The following MBNL1 variants were observed in gnomAD, a reference collection of about 807,000 sequenced individuals.
MBNL1 encodes the protein muscleblind-like protein 1.
MBNL1 carries 8 observed loss-of-function variants against 42.2 expected under a neutral mutation model. That is an observed-to-expected ratio of 0.19 (90% CI 0.11 to 0.34). MBNL1 has a LOEUF of 0.34. Ranked by LOEUF, MBNL1 falls within the 10% of genes least tolerant of loss-of-function variation. The probability of loss-of-function intolerance (pLI) is 1.00; values close to 1 mark genes in which losing one functional copy is unlikely to be tolerated. For missense variants in MBNL1, 309 were observed against 495.3 expected (o/e 0.62, Z 3.57); for synonymous variants, 169 against 173.9 (o/e 0.97, Z 0.22).
Position 152,254,210 on chromosome 3 carries a change from C to T in MBNL1, n.333+9770C>T, listed in dbSNP as rs550371052. On this transcript the variant is annotated intron_variant and non_coding_transcript_variant, in intron 2 of 2. Transcript: ENST00000477171. ...TTTATTTTGTCCGTGTTGAGTCAAACGAACTGAGACCAAAAAGTGGTCCTT... is the reference window on the plus strand; with the variant it reads ...TTTATTTTGTCCGTGTTGAGTCAAATGAACTGAGACCAAAAAGTGGTCCTT... 1.3e-4 allele frequency among the ~76,000 whole-genome samples: 20 copies of T among 152,244 alleles called. 1 individual carries two copies. In the South Asian group the frequency reaches 1.7e-3, roughly 13 times the overall value.
At chr3:152,321,933 C>G (rs1167332695) in intron 2 of MBNL1, among the ~76,000 whole-genome samples, 1 of 152,008 alleles carries the variant, frequency 6.6e-6, no homozygotes, top group African/African-American at 2.4e-5. Context: ...TTTTTTAAAT[C>G]TGGACATATC....
chr3:152,343,651 G>A (rs2093735830), intron 2 of MBNL1, among the ~76,000 whole-genome samples: 1 of 152,056 alleles, frequency 6.6e-6, no homozygotes, highest in Non-Finnish European at 1.5e-5. Flanking sequence ...GATGGGGGTG[G>A]GTGCCATGGA....
intron 2 of MBNL1, among the ~76,000 whole-genome samples, chr3:152,337,860 A>G (rs1415213260): frequency 6.6e-6 from 1 of 152,198 alleles, no homozygotes; most frequent in East Asian, 1.9e-4. Context: ...TACTTACTAA[A>G]AACAATTTTA....
intron 4 of MBNL1, among the ~76,000 whole-genome samples, chr3:152,438,428 G>C (rs2099106819): frequency 6.6e-6 from 1 of 152,090 alleles, no homozygotes; most frequent in Non-Finnish European, 1.5e-5. Context: ...CAGGACTCAG[G>C]GTAATCCCAC....
At chr3:152,290,013 G>A (rs1262163054) in intron 1 of MBNL1, among the ~76,000 whole-genome samples, 1 of 151,690 alleles carries the variant, frequency 6.6e-6, no homozygotes, top group African/African-American at 2.4e-5. Context: ...TTAATTATAG[G>A]CATAGATTTT....
intron 2 of MBNL1, among the ~76,000 whole-genome samples, chr3:152,396,386 A>G (rs2097937311): frequency 6.6e-6 from 1 of 152,106 alleles, no homozygotes; most frequent in Non-Finnish European, 1.5e-5. Context: ...CCTGGTGCCA[A>G]AAAGGTTGGG....
intron 1 of MBNL1, 52 bp downstream of exon 1, chr3:152,269,144 G>A (rs1244002886): frequency 2.3e-6 from 1 of 437,074 alleles, no homozygotes; most frequent in Admixed American, 2.4e-5. Flanking sequence ...TTCGGACTCC[G>A]GCGGGTCTGC....
At chr3:152,269,515 C>T (rs1323117516) in intron 1 of MBNL1, 2 of 455,402 alleles carry the variant, frequency 4.4e-6, no homozygotes, top group African/African-American at 2.0e-5. Context: ...CATCCCTGGC[C>T]CCGGGGCTGC....
intron 1 of MBNL1, 49 bp downstream of exon 1, chr3:152,269,141 T>G: frequency 2.3e-6 from 1 of 438,386 alleles, no homozygotes; most frequent in Middle Eastern, 7.2e-4. Flanking sequence ...TTGTTCGGAC[T>G]CCGGCGGGTC....
At chr3:152,359,658 G>T (rs2095797454) in intron 2 of MBNL1, among the ~76,000 whole-genome samples, 1 of 152,130 alleles carries the variant, frequency 6.6e-6, no homozygotes, top group South Asian at 2.1e-4. Context: ...TTTTCATTCT[G>T]GGATTTGAGA....
intron 9 of MBNL1, among the ~76,000 whole-genome samples, chr3:152,461,623 G>T (rs1160417583): frequency 6.6e-6 from 1 of 152,126 alleles, no homozygotes; most frequent in Non-Finnish European, 1.5e-5. Context: ...TCATCTTCAT[G>T]AGGAGTTGCA....
chr3:152,374,071 C>T (rs1445857309), intron 2 of MBNL1, among the ~76,000 whole-genome samples: 2 of 151,972 alleles, frequency 1.3e-5, no homozygotes, highest in African/African-American at 4.8e-5. Context: ...CATATAAAGG[C>T]TGTTTTAAAA....
intron 2 of MBNL1, among the ~76,000 whole-genome samples, chr3:152,353,274 T>A (rs865980772): frequency 6.6e-6 from 1 of 152,324 alleles, no homozygotes; most frequent in Admixed American, 6.5e-5. Context: ...TTCCAAAGTG[T>A]CTGAGGCTGT....
chr3:152,304,988 A>G (rs1342321782), intron 2 of MBNL1, among the ~76,000 whole-genome samples: 2 of 152,156 alleles, frequency 1.3e-5, no homozygotes, highest in African/African-American at 4.8e-5. Flanking sequence ...TTTGCTTCAT[A>G]TTATAAGATT....
At chr3:152,410,785 A>G (rs549764862) in intron 2 of MBNL1, among the ~76,000 whole-genome samples, 6 of 152,260 alleles carry the variant, frequency 3.9e-5, no homozygotes, top group Admixed American at 3.3e-4. Flanking sequence ...ATGTGTTACA[A>G]TGAGACTTTT....
At chr3:152,423,290 A>G (rs2098836900) in intron 3 of MBNL1, among the ~76,000 whole-genome samples, 1 of 152,254 alleles carries the variant, frequency 6.6e-6, no homozygotes, top group East Asian at 1.9e-4. Flanking sequence ...CCAGCAGAGA[A>G]TACTATAAAC....
intron 2 of MBNL1, among the ~76,000 whole-genome samples, chr3:152,342,731 G>T (rs901019441): frequency 3.3e-5 from 5 of 152,098 alleles, no homozygotes; most frequent in African/African-American, 1.2e-4. Context: ...TAGTTTAGTG[G>T]CTTAGGGCAA....
intron 2 of MBNL1, among the ~76,000 whole-genome samples, chr3:152,404,592 T>G (rs2098367852): frequency 6.6e-6 from 1 of 151,994 alleles, no homozygotes; most frequent in South Asian, 2.1e-4. Context: ...CTTTAGTTAC[T>G]TTTATATTTC....
intron 4 of MBNL1, among the ~76,000 whole-genome samples, chr3:152,439,089 G>C (rs1468380113): frequency 1.3e-5 from 2 of 152,152 alleles, no homozygotes; most frequent in Non-Finnish European, 2.9e-5. Flanking sequence ...GCGTTTGCTT[G>C]TATTAAAATA....
Sources: allele counts gnomAD v4.1 joint callset (sites outside exome capture counted in the v4.1 genomes callset), GRCh38; gene constraint gnomAD v4.1.1; transcripts MANE v1.5; gene names NCBI Gene and HGNC (gene_info 2026-07-23, HGNC 2026-07-21).